GXYLT2: variants seen among roughly 807,000 people sequenced by gnomAD.
GXYLT2 encodes glycosyltransferase 8 domain containing 4.
In GXYLT2, 53 loss-of-function variants were observed where a neutral mutation model predicts 45.8. The observed-to-expected ratio is 1.16, with a 90% CI of 0.93 to 1.46. The LOEUF is 1.46. GXYLT2 is among the 40% of genes most tolerant of loss of function. The pLI, the probability that GXYLT2 is intolerant of heterozygous loss-of-function variation, is 0.00. For synonymous variants in GXYLT2, 219 were observed against 214.2 expected, an observed-to-expected ratio of 1.02 and a Z score of -0.19; for missense variants, 551 against 544.4, an observed-to-expected ratio of 1.01 and a Z score of -0.12.
intron 5 of GXYLT2, 74 bp downstream of exon 5, chr3:72,957,426 G>T (rs1710669862): frequency 2.1e-6 from 3 of 1,446,406 alleles, no homozygotes; most frequent in South Asian, 1.3e-5. Context: ...TTCCATGCCC[G>T]GGTTGCTATT....
intron 1 of GXYLT2, among the ~76,000 whole-genome samples, chr3:72,894,882 C>T (rs759268460): frequency 1.3e-5 from 2 of 152,164 alleles, no homozygotes; most frequent in Non-Finnish European, 2.9e-5. Flanking sequence ...CAACCCACTG[C>T]CACTGGACTG....
At chr3:72,903,444 G>C (rs1709444661) in intron 1 of GXYLT2, among the ~76,000 whole-genome samples, 1 of 152,178 alleles carries the variant, frequency 6.6e-6, no homozygotes, top group African/African-American at 2.4e-5. Flanking sequence ...AAGGAAAGGA[G>C]GAGAGGTGAG....
At chr3:72,946,012 C>G (rs1429189747) in intron 3 of GXYLT2, among the ~76,000 whole-genome samples, 1 of 152,060 alleles carries the variant, frequency 6.6e-6, no homozygotes, top group African/African-American at 2.4e-5. Flanking sequence ...TGTGGTGGCT[C>G]ACACCTGTAA....
rs28406747 is a variant in GXYLT2, at chr3:72,950,178, C to T, written c.601-4920C>T. 9.9e-3 allele frequency among the ~76,000 whole-genome samples: 1,499 copies of T among 151,978 alleles called. 19 individuals are homozygous for T. The highest frequency in any genetic ancestry group is 0.034 in the African/African-American group (1,418 of 41,474). On this transcript the variant is annotated intron_variant, in intron 3 of 6. Transcript: ENST00000389617. Reference sequence around the variant, plus strand: ...CTCTACAAAAAAACAAAAAAATTAGCAGCTGGGCACAGTGGCTTACACCTG... The same window carrying T: ...CTCTACAAAAAAACAAAAAAATTAGTAGCTGGGCACAGTGGCTTACACCTG...
chr3:72,915,194 T>C (rs1465370303), intron 2 of GXYLT2, among the ~76,000 whole-genome samples: 1 of 151,922 alleles, frequency 6.6e-6, no homozygotes, highest in Non-Finnish European at 1.5e-5. Context: ...CCTAGCATCC[T>C]GAGAGTAACA....
intron 5 of GXYLT2, among the ~76,000 whole-genome samples, chr3:72,967,316 A>T (rs2107155251): frequency 6.6e-6 from 1 of 152,020 alleles, no homozygotes; most frequent in East Asian, 1.9e-4. Flanking sequence ...AAGATGCAAC[A>T]CTCTCTTCTT....
chr3:72,899,348 A>G lies in GXYLT2; in HGVS notation c.276-9019A>G, dbSNP rs189272602. ...AATAACTAAATGCATTTATCAAATA[A>G]TGTCATGAAGCCCCCTTCATGGAGT... On this transcript the variant is annotated intron_variant, in intron 1 of 6. Transcript: ENST00000389617. Among the ~76,000 whole-genome samples, 282 of 152,280 alleles carry G rather than the reference A, an allele frequency of 1.9e-3. 2 individuals are homozygous for G. Among genetic ancestry groups the G allele is most frequent in the African/African-American group, 6.4e-3 (266 of 41,548 alleles).
Position 72,922,283 on chromosome 3 carries a change from A to G in GXYLT2, c.548A>G (p.Gln183Arg), listed in dbSNP as rs201480150. The G allele has an allele frequency of 5.0e-6, 8 of 1,613,750 alleles. No homozygotes were observed. The highest frequency in any genetic ancestry group is 6.8e-6 in the Non-Finnish European group (8 of 1,179,790). ...ATCACATTTTCTGTTGGAAACCCTC[A>G]GGAGTGGAAGAAATTGTTCAAACCC... ...YPITFSVGNP[Q>R]EWKKLFKPCA... The change falls in exon 3 of 7, where the codon CAG becomes CGG. Residue 183 changes from glutamine to arginine, a missense_variant. By Grantham distance (43) the Gln-to-Arg change is conservative (BLOSUM62 1). Coordinates refer to ENST00000389617, the MANE Select transcript of GXYLT2 (RefSeq NM_001080393.2).
chr3:72,923,426 T>G (rs1709865984), intron 3 of GXYLT2, among the ~76,000 whole-genome samples: 1 of 151,650 alleles, frequency 6.6e-6, no homozygotes, highest in Admixed American at 6.6e-5. Flanking sequence ...AAAAAGTAAA[T>G]AAAGAAATAA....
intron 6 of GXYLT2, among the ~76,000 whole-genome samples, chr3:72,970,027 C>T (rs1710957122): frequency 6.6e-6 from 1 of 151,082 alleles, no homozygotes; most frequent in Non-Finnish European, 1.5e-5. Flanking sequence ...GAGGTCAGCG[C>T]AGCCAACATA....
In GXYLT2 at chr3:72,976,616, C is replaced by T. The variant is rs747467680; in HGVS notation, c.*1457C>T. The T allele has an allele frequency of 9.2e-5, 14 of 152,184 alleles. No individual in the cohort carries two copies. The highest frequency in any genetic ancestry group is 2.0e-4 in the Admixed American group (3 of 15,284). The allele number at this position is 152,184 out of a possible 1,614,324, so 9.4% of individuals were successfully genotyped here. Reference sequence around the variant, plus strand: ...CAAGGAGGAAGTTGAATATTCTGTTCCCCACGGGGATCTGGCTTAATCCCT... The same window carrying T: ...CAAGGAGGAAGTTGAATATTCTGTTTCCCACGGGGATCTGGCTTAATCCCT... On this transcript the variant is annotated 3_prime_UTR_variant, in exon 7 of 7. Transcript: ENST00000389617.
intron 6 of GXYLT2, among the ~76,000 whole-genome samples, chr3:72,971,572 C>T (rs889288508): frequency 6.6e-6 from 1 of 152,106 alleles, no homozygotes; most frequent in African/African-American, 2.4e-5. Context: ...TTATCTACCT[C>T]AAACAAGTGT....
chr3:72,965,258 C>G (rs1171631750), intron 5 of GXYLT2, among the ~76,000 whole-genome samples: 1 of 152,202 alleles, frequency 6.6e-6, no homozygotes, highest in Non-Finnish European at 1.5e-5. Flanking sequence ...AAAACATACA[C>G]AGCCTGCCAG....
chr3:72,894,244 T>C (rs1382404405), intron 1 of GXYLT2, among the ~76,000 whole-genome samples: 1 of 152,146 alleles, frequency 6.6e-6, no homozygotes, highest in Non-Finnish European at 1.5e-5. Context: ...GTCTAACGTT[T>C]CTTGGGCCCT....
At chr3:72,929,127 T>C in intron 3 of GXYLT2, 1 of 1,590,414 alleles carries the variant, frequency 6.3e-7, no homozygotes, top group South Asian at 1.1e-5. Context: ...AACCTGGAGC[T>C]CTACGCCTCC....
chr3:72,951,700 A>G (rs1196312237), intron 3 of GXYLT2, among the ~76,000 whole-genome samples: 1 of 152,246 alleles, frequency 6.6e-6, no homozygotes, highest in African/African-American at 2.4e-5. Context: ...TCTACATACC[A>G]AAATGAGCAT....
At chr3:72,909,062 C>CTTTTTTTTTTTTTTTTTTTTTTTTT (rs71126804) in intron 2 of GXYLT2, among the ~76,000 whole-genome samples, 1 of 91,120 alleles carries the variant, frequency 1.1e-5, no homozygotes, top group Non-Finnish European at 2.1e-5. Flanking sequence ...TTCTTCCTTT[C>CTTTTTTTTTTTTTTTTTTTTTTTTT]TTTTTTTTTT....
chr3:72,953,665 A>C lies in GXYLT2; in HGVS notation c.601-1433A>C, dbSNP rs555631532. Among the ~76,000 whole-genome samples the C allele has an allele frequency of 4.0e-4, 61 of 152,322 alleles. No individual in the cohort carries two copies. The South Asian group carries it at 0.012, about 30-fold the overall frequency. The stretch of plus-strand genomic sequence containing the variant: ...GGCTGCTTTCATGTTACAACAGCAG[A>C]TTTGAGGAGTTGCAACAGAGCCTGA... On this transcript the variant is annotated intron_variant, in intron 3 of 6. Transcript: ENST00000389617.
At chr3:72,931,265 G>C (rs115316404) in intron 3 of GXYLT2, among the ~76,000 whole-genome samples, 2,031 of 150,224 alleles carry the variant, frequency 0.014, 45 homozygotes, top group African/African-American at 0.043. Context: ...GTCTTGCACT[G>C]TCCCCAGGCT....
Sources: allele counts gnomAD v4.1 joint callset (sites outside exome capture counted in the v4.1 genomes callset), GRCh38; gene constraint gnomAD v4.1.1; transcripts MANE v1.5; gene names NCBI Gene and HGNC (gene_info 2026-07-23, HGNC 2026-07-21).